The following VPS13C variants were observed in gnomAD, a reference collection of about 807,000 sequenced individuals.
VPS13C encodes the protein vacuolar protein sorting 13 homolog C.
In VPS13C, 358 loss-of-function variants were observed where a neutral mutation model predicts 456.8. That is an observed-to-expected ratio of 0.78 (90% confidence interval 0.72 to 0.86). VPS13C has a LOEUF of 0.86. Ranked by LOEUF, VPS13C falls within the 40% of genes least tolerant of loss-of-function variation. The pLI, the probability that VPS13C is intolerant of heterozygous loss-of-function variation, is 0.00. For missense variants in VPS13C, 4,818 were observed against 4,385.4 expected (o/e 1.10, Z -2.79); for synonymous variants, 1,578 against 1,486.7 (o/e 1.06, Z -1.41).
At chr15:61,865,875 T>A in intron 81 of VPS13C, 3 of 954,248 alleles carry the variant, frequency 3.1e-6, no homozygotes, top group Non-Finnish European at 3.7e-6. Flanking sequence ...ATTCAGTAAC[T>A]CTCAAAGCTG....
At chr15:61,961,541 G>T (rs754989475) in intron 35 of VPS13C, 48 bp downstream of exon 35, 1 of 1,473,570 alleles carries the variant, frequency 6.8e-7, no homozygotes, top group South Asian at 1.4e-5. Flanking sequence ...AAATTTCATG[G>T]AAATCATGAA....
At chr15:61,964,464 A>G (rs951369276) in intron 31 of VPS13C, among the ~76,000 whole-genome samples, 6 of 152,160 alleles carry the variant, frequency 3.9e-5, no homozygotes, top group African/African-American at 1.4e-4. Context: ...TCCCCCTATT[A>G]CCTACCTAAG....
rs72747885 is a variant in VPS13C at position 61,915,712 on chromosome 15, A to G, written c.8366T>C (p.Ile2789Thr). Reference sequence around the variant, plus strand: ...GAAATCAGCTGGATGTTTCACATGAATATCTTCTGAACGATACTGGAGAAC... The same window carrying G: ...GAAATCAGCTGGATGTTTCACATGAGTATCTTCTGAACGATACTGGAGAAC... The part of the protein sequence containing the change: ...TRVLQYRSED[I>T]HVKHPADFRD... Residue 2789 changes from isoleucine (I) to threonine (T), a missense_variant, in exon 61 of 85, where the codon ATT becomes ACT. Ile to Thr is a moderately conservative substitution (Grantham distance 89, BLOSUM62 -1). This residue lies in a region of VPS13C where 4,552 missense variants were observed against 4,130.6 expected (regional missense o/e 1.10). Transcript: ENST00000644861. 13,663 of 1,613,608 alleles carry G rather than the reference A, an allele frequency of 8.5e-3. 89 individuals carry two copies. The highest frequency in any genetic ancestry group is 0.01 in the Non-Finnish European group (12,082 of 1,179,896).
chr15:61,923,861 CT>C (rs1188960583), intron 53 of VPS13C, among the ~76,000 whole-genome samples: 45 of 75,138 alleles, frequency 6.0e-4, no homozygotes, highest in Admixed American at 8.7e-4. Context: ...CCCTCTAAAT[CT>C]TTTTTTTTTT....
Position 62,033,455 on chromosome 15 carries a change from T to A in VPS13C, c.371A>T (p.Lys124Ile), listed in dbSNP as rs1370737800. ...AAACTTTTTACCTTTTTCTGCTGCT[T>A]TTTGAAGGGCTTCTTCAATTCGGGA... ...ELSRIEEALQ[K>I]AAEKGTHSGE... is the part of the protein sequence containing the mutation. Residue 124 changes from lysine (K) to isoleucine (I), a missense_variant, in exon 5 of 85, where the codon AAA becomes ATA. Lys to Ile is a moderately radical substitution (Grantham distance 102, BLOSUM62 -3). Coordinates refer to ENST00000644861, the MANE Select transcript of VPS13C (RefSeq NM_020821.3). The A allele has an allele frequency of 3.7e-6, 6 of 1,601,480 alleles. No individual in the cohort carries two copies. The South Asian group carries it at 6.8e-5, about 18-fold the overall frequency.
chr15:61,855,837 T>C (rs551145339), intron 83 of VPS13C, among the ~76,000 whole-genome samples: 1 of 152,224 alleles, frequency 6.6e-6, no homozygotes, highest in South Asian at 2.1e-4. Context: ...AGAGTATCAC[T>C]TTTACAAATT....
chr15:61,962,919 A>G, intron 32 of VPS13C, 67 bp from the exon 33 acceptor site: 1 of 1,125,556 alleles, frequency 8.9e-7, no homozygotes, highest in East Asian at 2.8e-5. Flanking sequence ...TCTTTCCATT[A>G]CATTATTTTA....
chr15:62,053,711 G>A (rs1275145538), intron 1 of VPS13C, among the ~76,000 whole-genome samples: 2 of 152,204 alleles, frequency 1.3e-5, no homozygotes, highest in African/African-American at 4.8e-5. Flanking sequence ...GACAGAATCA[G>A]AGATGGAATA....
At chr15:61,986,877 C>T (rs1442571834) in intron 18 of VPS13C, among the ~76,000 whole-genome samples, 2 of 151,954 alleles carry the variant, frequency 1.3e-5, no homozygotes, top group Admixed American at 1.3e-4. Context: ...GAATTCTATA[C>T]ACAAAAGTAT....
chr15:61,957,165 G>A (rs1011963358), intron 37 of VPS13C, among the ~76,000 whole-genome samples: 16 of 152,084 alleles, frequency 1.1e-4, no homozygotes, highest in Middle Eastern at 3.4e-3. Context: ...AATGAATCTC[G>A]CAAACAAAAT....
intron 52 of VPS13C, among the ~76,000 whole-genome samples, chr15:61,926,884 G>T (rs770412045): frequency 6.6e-6 from 1 of 152,104 alleles, no homozygotes; most frequent in Non-Finnish European, 1.5e-5. Context: ...AAATAAAACC[G>T]TTCTGAAGGT....
At chr15:61,963,995 C>A in intron 31 of VPS13C, 44 bp from the exon 32 acceptor site, 2 of 1,261,712 alleles carry the variant, frequency 1.6e-6, no homozygotes, top group South Asian at 2.6e-5. Flanking sequence ...AGATTCTAGT[C>A]ATCTACATTC....
At chr15:61,871,738 C>T (rs1349290352) in intron 79 of VPS13C, among the ~76,000 whole-genome samples, 1 of 152,094 alleles carries the variant, frequency 6.6e-6, no homozygotes, top group Admixed American at 6.6e-5. Flanking sequence ...TAAATTGCTA[C>T]TGAGGACCCA....
chr15:61,982,153 AGT>A (rs2045907669), intron 21 of VPS13C, among the ~76,000 whole-genome samples: 1 of 152,204 alleles, frequency 6.6e-6, no homozygotes, highest in South Asian at 2.1e-4. Context: ...ATTCACACAC[AGT>A]GTGATTAACA....
At chr15:61,974,060 T>A (rs891776145) in intron 25 of VPS13C, among the ~76,000 whole-genome samples, 1 of 152,124 alleles carries the variant, frequency 6.6e-6, no homozygotes, top group African/African-American at 2.4e-5. Flanking sequence ...GCCTAACATA[T>A]AAGAAAATTT....
intron 82 of VPS13C, among the ~76,000 whole-genome samples, chr15:61,860,239 G>T (rs1398526578): frequency 6.6e-6 from 1 of 152,032 alleles, no homozygotes; most frequent in East Asian, 1.9e-4. Context: ...AAAGGTACAG[G>T]CTCAACAGTA....
At chr15:61,934,690 A>C (rs2044166880) in intron 48 of VPS13C, among the ~76,000 whole-genome samples, 1 of 152,218 alleles carries the variant, frequency 6.6e-6, no homozygotes, top group Admixed American at 6.5e-5. Flanking sequence ...GCCTTATATT[A>C]GACAGCTAGT....
At chr15:62,002,511 CGCTTTA>C (rs1383918322) in intron 15 of VPS13C, among the ~76,000 whole-genome samples, 1 of 152,152 alleles carries the variant, frequency 6.6e-6, no homozygotes, top group Admixed American at 6.5e-5. Context: ...TGTGCAGAAG[CGCTTTA>C]GTTTAATTAG....
chr15:62,012,127 A>T lies in VPS13C; in HGVS notation c.863T>A (p.Ile288Lys). Residue 288 changes from isoleucine to lysine, a missense_variant, in exon 12 of 85, where the codon ATA (isoleucine) becomes AAA (lysine). Coordinates refer to ENST00000644861, the MANE Select transcript of VPS13C (RefSeq NM_020821.3). ...CTTACTGTATTGATAATTTGGGGGTATATTTCCACTTGTAAGAATTTCATT... is the reference window on the plus strand; with the variant it reads ...CTTACTGTATTGATAATTTGGGGGTTTATTTCCACTTGTAAGAATTTCATT... ...LKNEILTSGN[I>K]PPNYQYIFQP... is the part of the protein sequence containing the mutation. 3.2e-6 allele frequency: 5 copies of T among 1,543,536 alleles called. No individual in the cohort carries two copies. The highest frequency in any genetic ancestry group is 4.5e-6 in the Non-Finnish European group (5 of 1,120,120).
Sources: gnomAD v4.1 joint callset for allele counts (sites outside exome capture counted in the v4.1 genomes callset) on GRCh38, gnomAD v4.1.1 for gene constraint, gnomAD v4.1.1 regional missense constraint, MANE v1.5 for transcripts, NCBI Gene and HGNC (gene_info 2026-07-23, HGNC 2026-07-21) for gene names.